The following PDGFD variants were observed in gnomAD, a reference collection of about 807,000 sequenced individuals.
The protein encoded by PDGFD is platelet derived growth factor D.
In PDGFD, 30 loss-of-function variants were observed where a neutral mutation model predicts 44.7. The observed-to-expected ratio is 0.67, with a 90% CI of 0.50 to 0.91. PDGFD has a LOEUF of 0.91. Among genes scored for constraint, PDGFD ranks in the 40% least tolerant of loss-of-function variants. The pLI, the probability that PDGFD is intolerant of heterozygous loss-of-function variation, is 0.00. For synonymous variants in PDGFD, 173 were observed against 168.4 expected (o/e 1.03, Z -0.21); for missense variants, 445 against 457.8 (o/e 0.97, Z 0.25).
In PDGFD at chr11:104,039,043, C is replaced by A. The variant is rs117382829; in HGVS notation, c.125-38788G>T. The A allele has an allele frequency of 6.8e-3, 1,139 of 167,174 alleles. 6 individuals are homozygous for A. The highest frequency in any genetic ancestry group is 0.02 in the Middle Eastern group (6 of 296). The allele number at this position is 167,174 out of a possible 1,614,324, so 10.4% of individuals were successfully genotyped here. ...CAATGTTAGTGTTTATTACAACTGA[C>A]AGTGGGTAATGGAAGATCCTAGACT... On this transcript the variant is annotated intron_variant, in intron 1 of 6. Coordinates refer to ENST00000393158, the MANE Select transcript of PDGFD (RefSeq NM_025208.5).
chr11:103,931,131 T>C (rs2134313794), intron 5 of PDGFD, among the ~76,000 whole-genome samples: 1 of 152,252 alleles, frequency 6.6e-6, no homozygotes, highest in African/African-American at 2.4e-5. Context: ...AAGCACAACA[T>C]GGGTGGTGAT....
At chr11:104,035,824 G>A (rs1860222747) in intron 1 of PDGFD, among the ~76,000 whole-genome samples, 1 of 152,032 alleles carries the variant, frequency 6.6e-6, no homozygotes, top group South Asian at 2.1e-4. Context: ...CTTTGCACCT[G>A]GAAGATGCTC....
At chr11:104,083,115 G>C (rs1861070943) in intron 1 of PDGFD, among the ~76,000 whole-genome samples, 2 of 152,030 alleles carry the variant, frequency 1.3e-5, no homozygotes, top group Admixed American at 6.6e-5. Context: ...TAACACATTG[G>C]TTTCATTTTG....
chr11:104,137,923 G>A (rs1029223400), intron 1 of PDGFD, among the ~76,000 whole-genome samples: 1 of 151,828 alleles, frequency 6.6e-6, no homozygotes, highest in African/African-American at 2.4e-5. Context: ...ATGTAATGCA[G>A]TAGCTTTGCA....
Position 103,907,693 on chromosome 11 carries a change from C to T in PDGFD, c.*2001G>A, listed in dbSNP as rs1857957488. 2 of 152,152 alleles carry T rather than the reference C, an allele frequency of 1.3e-5. No homozygotes were observed. The highest frequency in any genetic ancestry group is 1.3e-4 in the Admixed American group (2 of 15,270). The allele number at this position is 152,152 out of a possible 1,614,324, so 9.4% of individuals were successfully genotyped here. On this transcript the variant is annotated 3_prime_UTR_variant, in exon 7 of 7. Coordinates refer to ENST00000393158, the MANE Select transcript of PDGFD (RefSeq NM_025208.5). ...CTCTCATTTTTTATATTTACAGCTA[C>T]ATTGTGAGCTGTTCAGGTTAGAGTG... is the stretch of plus-strand genomic sequence containing the variant.
At chr11:103,958,399 C>T (rs1050974921) in intron 3 of PDGFD, among the ~76,000 whole-genome samples, 1 of 152,164 alleles carries the variant, frequency 6.6e-6, no homozygotes, top group African/African-American at 2.4e-5. Flanking sequence ...AAGAGAACAT[C>T]TGATTCAATT....
At position 103,908,446 on chromosome 11, in the gene PDGFD, C is replaced by T. The variant is rs1857972984; in HGVS notation, c.*1248G>A. The T allele has an allele frequency of 6.6e-6, 1 of 152,160 alleles. No individual in the cohort carries two copies. Among genetic ancestry groups the T allele is most frequent in the South Asian group, 2.1e-4 (1 of 4,828 alleles). 9.4% of individuals were successfully genotyped at this position (152,160 alleles called of 1,614,324 possible). ...AAGCTCCATAGATTAAGAACCATAG[C>T]CTCTAGGACTGATTTTACTTGGTTC... On this transcript the variant is annotated 3_prime_UTR_variant, in exon 7 of 7. Coordinates refer to ENST00000393158, the MANE Select transcript of PDGFD (RefSeq NM_025208.5).
chr11:104,030,158 G>C (rs1363398387), intron 1 of PDGFD, among the ~76,000 whole-genome samples: 1 of 152,134 alleles, frequency 6.6e-6, no homozygotes, highest in Non-Finnish European at 1.5e-5. Flanking sequence ...CCATTTTAAA[G>C]ACATCTCATT....
rs148546295 is a variant in PDGFD, at chr11:104,051,668, A to T, written c.125-51413T>A. Among the ~76,000 whole-genome samples the T allele has an allele frequency of 5.6e-4, 86 of 152,240 alleles. No individual in the cohort carries two copies. In the East Asian group the frequency reaches 0.015, roughly 27 times the overall value. On this transcript the variant is annotated intron_variant, in intron 1 of 6. Coordinates refer to ENST00000393158, the MANE Select transcript of PDGFD (RefSeq NM_025208.5). ...GGTGATTCCTGAATGAAAAAAAAAAAATCAGTAATTACACAGATCTCAAAT... is the reference window on the plus strand; with the variant it reads ...GGTGATTCCTGAATGAAAAAAAAAATATCAGTAATTACACAGATCTCAAAT...
chr11:103,990,832 T>C (rs2134358948), intron 3 of PDGFD, among the ~76,000 whole-genome samples: 1 of 152,216 alleles, frequency 6.6e-6, no homozygotes, highest in Non-Finnish European at 1.5e-5. Context: ...CTTTACTCTC[T>C]AGCTTTGTTT....
At chr11:103,912,686 A>T (rs536968734) in intron 6 of PDGFD, among the ~76,000 whole-genome samples, 1 of 152,320 alleles carries the variant, frequency 6.6e-6, no homozygotes, top group Admixed American at 6.5e-5. Flanking sequence ...CAGACTGGCA[A>T]ATTGGATAAA....
intron 1 of PDGFD, among the ~76,000 whole-genome samples, chr11:104,057,688 T>A (rs1860643570): frequency 6.6e-6 from 1 of 152,030 alleles, no homozygotes; most frequent in Non-Finnish European, 1.5e-5. Flanking sequence ...AAAGTTGAAA[T>A]TTTAAAAAAG....
intron 1 of PDGFD, among the ~76,000 whole-genome samples, chr11:104,085,901 T>C (rs361278): frequency 1 from 151,621 of 152,206 alleles, 75,523 homozygotes; most frequent in Middle Eastern, 1. Flanking sequence ...TATTGGACCA[T>C]GATAAAGTTC....
chr11:103,933,332 C>T (rs1470966716), intron 5 of PDGFD, among the ~76,000 whole-genome samples: 1 of 152,144 alleles, frequency 6.6e-6, no homozygotes, highest in African/African-American at 2.4e-5. Context: ...TTTTCAGAAT[C>T]CCTCTTCTAT....
intron 1 of PDGFD, among the ~76,000 whole-genome samples, chr11:104,144,805 C>A (rs1314103003): frequency 6.6e-6 from 1 of 152,128 alleles, no homozygotes; most frequent in Non-Finnish European, 1.5e-5. Flanking sequence ...GTTACTGCAC[C>A]TTTCTCTGCC....
At chr11:104,159,086 G>A (rs1048950878) in intron 1 of PDGFD, among the ~76,000 whole-genome samples, 1 of 150,098 alleles carries the variant, frequency 6.7e-6, no homozygotes, top group African/African-American at 2.5e-5. Flanking sequence ...CTGGGAGGCG[G>A]AGGTTGCAGT....
At chr11:103,939,431 C>T (rs924159620) in intron 5 of PDGFD, among the ~76,000 whole-genome samples, 1 of 152,106 alleles carries the variant, frequency 6.6e-6, no homozygotes, top group East Asian at 1.9e-4. Flanking sequence ...GCTGAAATTG[C>T]TTATCAGCTT....
intron 3 of PDGFD, among the ~76,000 whole-genome samples, chr11:103,957,930 C>G (rs1340161843): frequency 6.6e-6 from 1 of 152,018 alleles, no homozygotes; most frequent in African/African-American, 2.4e-5. Context: ...GGTTCACCAA[C>G]CTCCATGGTG....
chr11:104,040,083 G>T (rs1860323360), intron 1 of PDGFD, among the ~76,000 whole-genome samples: 1 of 152,018 alleles, frequency 6.6e-6, no homozygotes, highest in African/African-American at 2.4e-5. Flanking sequence ...CAGTAAGTTG[G>T]TCTTCATTCT....
Sources: gnomAD v4.1 joint callset for allele counts (sites outside exome capture counted in the v4.1 genomes callset) on GRCh38, gnomAD v4.1.1 for gene constraint, MANE v1.5 for transcripts, NCBI Gene and HGNC (gene_info 2026-07-23, HGNC 2026-07-21) for gene names.